GPC5: variants seen among roughly 807,000 people sequenced by gnomAD.
The protein encoded by GPC5 is glypican-5.
GPC5 carries 47 observed loss-of-function variants against 53.9 expected under a neutral mutation model. The observed-to-expected ratio is 0.87, with a 90% CI of 0.69 to 1.11. The LOEUF (loss-of-function observed/expected upper bound fraction) is 1.11, where lower values mean the gene tolerates loss of function less well. Among genes scored for constraint, GPC5 ranks in the 50% most tolerant of loss-of-function variants. GPC5 has a pLI of 0.00. For synonymous variants in GPC5, 286 were observed against 263.3 expected, an observed-to-expected ratio of 1.09 and a Z score of -0.84; for missense variants, 748 against 713.1, an observed-to-expected ratio of 1.05 and a Z score of -0.56.
intron 2 of GPC5, among the ~76,000 whole-genome samples, chr13:91,557,866 G>A (rs906603466): frequency 1.3e-5 from 2 of 152,084 alleles, no homozygotes; most frequent in Middle Eastern, 3.2e-3. Flanking sequence ...GCCGTTTAAA[G>A]CACAGGTTCT....
chr13:92,150,665 A>AT (rs2041900717), intron 7 of GPC5, among the ~76,000 whole-genome samples: 1 of 151,984 alleles, frequency 6.6e-6, no homozygotes, highest in South Asian at 2.1e-4. Context: ...CTAAGTGATT[A>AT]TTTTCATTGC....
At chr13:92,229,158 G>T (rs2042511163) in intron 7 of GPC5, among the ~76,000 whole-genome samples, 1 of 152,036 alleles carries the variant, frequency 6.6e-6, no homozygotes, top group Non-Finnish European at 1.5e-5. Context: ...TGAGGAAAGG[G>T]GAAGTGTTAA....
chr13:92,018,326 G>A (rs2040727102), intron 6 of GPC5, among the ~76,000 whole-genome samples: 1 of 151,912 alleles, frequency 6.6e-6, no homozygotes, highest in Non-Finnish European at 1.5e-5. Flanking sequence ...TTAAAAAAAG[G>A]TTTCACCTAA....
At chr13:92,781,758 A>G (rs1454814993) in intron 7 of GPC5, among the ~76,000 whole-genome samples, 1 of 152,196 alleles carries the variant, frequency 6.6e-6, no homozygotes, top group African/African-American at 2.4e-5. Flanking sequence ...TAAATGGCCA[A>G]TTACCCCTGG....
At chr13:92,567,949 A>AG (rs1280769718) in intron 7 of GPC5, among the ~76,000 whole-genome samples, 1 of 152,210 alleles carries the variant, frequency 6.6e-6, no homozygotes, top group Non-Finnish European at 1.5e-5. Context: ...AATGAAAGAA[A>AG]GAAAAAGTGT....
chr13:92,111,823 C>A (rs1479297519), intron 6 of GPC5, among the ~76,000 whole-genome samples: 1 of 152,078 alleles, frequency 6.6e-6, no homozygotes, highest in Non-Finnish European at 1.5e-5. Context: ...AGAATCTTGT[C>A]CAGCCAACAA....
intron 7 of GPC5, among the ~76,000 whole-genome samples, chr13:92,459,448 G>C (rs187894394): frequency 5.3e-5 from 8 of 152,254 alleles, no homozygotes; most frequent in African/African-American, 1.7e-4. Context: ...GTAATTTACT[G>C]TCAAATCCAA....
chr13:92,854,140 T>C (rs1240511229), intron 7 of GPC5, among the ~76,000 whole-genome samples: 1 of 150,980 alleles, frequency 6.6e-6, no homozygotes, highest in African/African-American at 2.4e-5. Flanking sequence ...AAATATCTTA[T>C]GTGAGCTTTA....
intron 7 of GPC5, among the ~76,000 whole-genome samples, chr13:92,465,806 A>G (rs1166540933): frequency 6.6e-6 from 1 of 152,078 alleles, no homozygotes; most frequent in Non-Finnish European, 1.5e-5. Context: ...ACGTTCATTA[A>G]AAAGTTCTAT....
chr13:92,855,360 A>G (rs555018981), intron 7 of GPC5, among the ~76,000 whole-genome samples: 1 of 152,180 alleles, frequency 6.6e-6, no homozygotes, highest in African/African-American at 2.4e-5. Flanking sequence ...GTGTGAATAT[A>G]ACATAAAGTT....
At chr13:91,893,605 T>C (rs1337229925) in intron 5 of GPC5, among the ~76,000 whole-genome samples, 2 of 152,102 alleles carry the variant, frequency 1.3e-5, no homozygotes, top group African/African-American at 4.8e-5. Context: ...ATAGTAATAC[T>C]AATTTATAAA....
chr13:91,905,891 T>C (rs1405461859), intron 5 of GPC5, among the ~76,000 whole-genome samples: 4 of 152,108 alleles, frequency 2.6e-5, no homozygotes, highest in Non-Finnish European at 5.9e-5. Flanking sequence ...TTTTAAAATG[T>C]CTCTTTAATT....
intron 7 of GPC5, among the ~76,000 whole-genome samples, chr13:92,491,063 C>G: frequency 6.6e-6 from 1 of 152,044 alleles, no homozygotes; most frequent in East Asian, 1.9e-4. Context: ...TGCTTAGTGA[C>G]AAATCAGAAA....
chr13:91,712,669 G>C (rs1390333992), intron 3 of GPC5, among the ~76,000 whole-genome samples: 1 of 152,162 alleles, frequency 6.6e-6, no homozygotes, highest in East Asian at 1.9e-4. Context: ...CCCACGGCCT[G>C]GTGTCGTCTG....
At chr13:92,215,034 A>G (rs1231985122) in intron 7 of GPC5, among the ~76,000 whole-genome samples, 1 of 152,186 alleles carries the variant, frequency 6.6e-6, no homozygotes, top group Non-Finnish European at 1.5e-5. Context: ...GACCTATTCA[A>G]ACTTCTGACC....
intron 6 of GPC5, among the ~76,000 whole-genome samples, chr13:92,074,065 C>T (rs565693057): frequency 2.6e-5 from 4 of 152,126 alleles, no homozygotes; most frequent in Non-Finnish European, 5.9e-5. Flanking sequence ...CAGTTCAACG[C>T]GAATTTTGTG....
intron 7 of GPC5, among the ~76,000 whole-genome samples, chr13:92,598,568 A>G: frequency 6.6e-6 from 1 of 152,208 alleles, no homozygotes; most frequent in East Asian, 1.9e-4. Flanking sequence ...GAAATAGTAA[A>G]AAATAAAGGC....
chr13:91,846,158 CT>C (rs771779952), intron 5 of GPC5, among the ~76,000 whole-genome samples: 123 of 152,118 alleles, frequency 8.1e-4, no homozygotes, highest in Non-Finnish European at 1.4e-3. Context: ...CGGTAAGACA[CT>C]TTACATATCC....
intron 7 of GPC5, among the ~76,000 whole-genome samples, chr13:92,250,456 C>T (rs1253285987): frequency 6.6e-6 from 1 of 152,086 alleles, no homozygotes; most frequent in Non-Finnish European, 1.5e-5. Context: ...GTGCTCTTTT[C>T]ACCATGTGTT....
Sources: allele counts gnomAD v4.1 joint callset (sites outside exome capture counted in the v4.1 genomes callset), GRCh38; gene constraint gnomAD v4.1.1; transcripts MANE v1.5; gene names NCBI Gene and HGNC (gene_info 2026-07-23, HGNC 2026-07-21).